Variants in SMYD3 observed in about 807,000 individuals in gnomAD.
SMYD3 encodes SET and MYND domain containing 3, also known as histone-lysine N-methyltransferase SMYD3.
Under a neutral mutation model 57.7 loss-of-function variants are expected in SMYD3, and 36 were observed. That is an observed-to-expected ratio of 0.62 (90% CI 0.48 to 0.82). The LOEUF is 0.82. Ranked by LOEUF, SMYD3 falls within the 40% of genes least tolerant of loss-of-function variation. The probability of loss-of-function intolerance (pLI) is 0.00; values close to 1 mark genes in which losing one functional copy is unlikely to be tolerated. For synonymous variants in SMYD3, 211 were observed against 195.0 expected (o/e 1.08, Z -0.68); for missense variants, 515 against 538.8 (o/e 0.96, Z 0.44).
At chr1:245,816,756 G>A (rs1365714592) in intron 10 of SMYD3, among the ~76,000 whole-genome samples, 1 of 152,146 alleles carries the variant, frequency 6.6e-6, no homozygotes, top group Non-Finnish European at 1.5e-5. Context: ...GGGTCAGGGA[G>A]TTCCCTTTCC....
Position 245,793,034 on chromosome 1 carries a change from G to A in SMYD3, c.1077-28885C>T, listed in dbSNP as rs141032104. Among the ~76,000 whole-genome samples the A allele has an allele frequency of 2.2e-3, 339 of 151,794 alleles. 1 individual carries two copies. The highest frequency in any genetic ancestry group is 7.8e-3 in the African/African-American group (324 of 41,290). On this transcript the variant is annotated intron_variant, in intron 10 of 11. Coordinates refer to ENST00000490107, the MANE Select transcript of SMYD3 (RefSeq NM_001167740.2). Reference sequence around the variant, plus strand: ...TTAGAAATATCTTCCATATAGGCCAGGCACAGTGGCTCATGCCTGTAATCC... The same window carrying A: ...TTAGAAATATCTTCCATATAGGCCAAGCACAGTGGCTCATGCCTGTAATCC...
intron 10 of SMYD3, among the ~76,000 whole-genome samples, chr1:245,775,558 A>G (rs943834200): frequency 1.3e-4 from 19 of 151,462 alleles, no homozygotes; most frequent in Non-Finnish European, 2.5e-4. Flanking sequence ...TCAAGTACCC[A>G]GGGACACAAA....
At chr1:246,444,420 A>G (rs557366463) in intron 1 of SMYD3, among the ~76,000 whole-genome samples, 61 of 152,238 alleles carry the variant, frequency 4.0e-4, no homozygotes, top group Non-Finnish European at 6.5e-4. Context: ...CATCGCGCCC[A>G]GCCCCAGAAC....
chr1:245,927,867 G>C (rs564530785), intron 7 of SMYD3, 64 bp downstream of exon 7: 1 of 1,317,712 alleles, frequency 7.6e-7, no homozygotes, highest in African/African-American at 1.4e-5. Flanking sequence ...TTTTAGGGAC[G>C]GGCCGAGCTG....
At chr1:245,775,159 G>A (rs1449449576) in intron 10 of SMYD3, among the ~76,000 whole-genome samples, 8 of 151,992 alleles carry the variant, frequency 5.3e-5, no homozygotes, top group South Asian at 4.2e-4. Context: ...CCCGGCAGCC[G>A]CCCCCTCCAA....
rs188060043 is a variant in SMYD3 at position 245,913,322 on chromosome 1, T to C, written c.813+2208A>G. On this transcript the variant is annotated intron_variant, in intron 8 of 11. Coordinates refer to ENST00000490107, the MANE Select transcript of SMYD3 (RefSeq NM_001167740.2). Reference sequence around the variant, plus strand: ...GTGGGAATTGAACAATGAGAACACATGGACACAGGAAGGGGAACATCACAC... The same window carrying C: ...GTGGGAATTGAACAATGAGAACACACGGACACAGGAAGGGGAACATCACAC... Among the ~76,000 whole-genome samples the C allele has an allele frequency of 6.1e-3, 820 of 133,598 alleles. 4 individuals are homozygous for C. Among genetic ancestry groups the C allele is most frequent in the Middle Eastern group, 0.045 (8 of 178 alleles). The allele number at this position is 133,598 out of a possible 152,430, so 87.6% of individuals were successfully genotyped here. A position where few individuals can be genotyped will look rare whatever the true frequency, so the allele number is the denominator to read the frequency against.
chr1:246,113,249 T>C (rs1326952339), intron 5 of SMYD3, among the ~76,000 whole-genome samples: 2 of 151,684 alleles, frequency 1.3e-5, no homozygotes, highest in Admixed American at 1.3e-4. Flanking sequence ...AAAAAGAGAC[T>C]ACCCATTGTT....
chr1:246,144,638 A>C (rs2061814496), intron 5 of SMYD3, among the ~76,000 whole-genome samples: 1 of 152,156 alleles, frequency 6.6e-6, no homozygotes, highest in Non-Finnish European at 1.5e-5. Flanking sequence ...TGACAGGAGC[A>C]TATCATAATT....
intron 10 of SMYD3, among the ~76,000 whole-genome samples, chr1:245,798,619 G>C (rs2047704405): frequency 6.6e-6 from 1 of 151,938 alleles, no homozygotes; most frequent in African/African-American, 2.4e-5. Flanking sequence ...GTGATGCCCA[G>C]ATGTGTTTTC....
chr1:245,921,358 A>T (rs189890160), intron 7 of SMYD3, among the ~76,000 whole-genome samples: 1 of 152,152 alleles, frequency 6.6e-6, no homozygotes. Flanking sequence ...CCCACTGTTG[A>T]AAGCAGTTTG....
intron 5 of SMYD3, among the ~76,000 whole-genome samples, chr1:245,962,639 G>A (rs1485005513): frequency 6.6e-6 from 1 of 152,148 alleles, no homozygotes; most frequent in Non-Finnish European, 1.5e-5. Flanking sequence ...CTGCATGTGG[G>A]TTGCGTCGAA....
At chr1:246,001,492 T>C (rs1041149377) in intron 5 of SMYD3, among the ~76,000 whole-genome samples, 3 of 151,678 alleles carry the variant, frequency 2.0e-5, no homozygotes, top group Non-Finnish European at 4.4e-5. Context: ...GTATGTGGCA[T>C]CCATCATGTT....
intron 5 of SMYD3, among the ~76,000 whole-genome samples, chr1:246,078,839 G>C (rs2147825880): frequency 6.6e-6 from 1 of 152,282 alleles, no homozygotes; most frequent in Non-Finnish European, 1.5e-5. Context: ...TGATCTATAG[G>C]TTTCCTCTAA....
intron 9 of SMYD3, among the ~76,000 whole-genome samples, chr1:245,863,581 T>C (rs2051668009): frequency 6.6e-6 from 1 of 152,160 alleles, no homozygotes; most frequent in Non-Finnish European, 1.5e-5. Context: ...TACCTAACGG[T>C]AGTGAGTTAT....
At chr1:245,839,296 C>A (rs915294213) in intron 10 of SMYD3, among the ~76,000 whole-genome samples, 12 of 152,154 alleles carry the variant, frequency 7.9e-5, no homozygotes, top group African/African-American at 2.4e-4. Context: ...CAGCCTCCCA[C>A]GTAGCTGGGA....
chr1:246,488,739 C>T (rs2068225792), intron 1 of SMYD3, among the ~76,000 whole-genome samples: 1 of 152,124 alleles, frequency 6.6e-6, no homozygotes, highest in South Asian at 2.1e-4. Context: ...ACAACTGCTG[C>T]AAATATTCAT....
chr1:245,960,173 T>C (rs4233248), intron 5 of SMYD3, among the ~76,000 whole-genome samples: 37,985 of 152,108 alleles, frequency 0.25, 5,309 homozygotes, highest in African/African-American at 0.38. Flanking sequence ...CAAAATTTAA[T>C]CAGATACTTA....
intron 5 of SMYD3, among the ~76,000 whole-genome samples, chr1:246,146,466 C>T (rs554270870): frequency 6.6e-6 from 1 of 152,270 alleles, no homozygotes; most frequent in African/African-American, 2.4e-5. Flanking sequence ...AAACAAACCT[C>T]CTTCTCCGCC....
At chr1:246,240,572 G>A (rs575474240) in intron 5 of SMYD3, among the ~76,000 whole-genome samples, 3 of 151,552 alleles carry the variant, frequency 2.0e-5, no homozygotes, top group South Asian at 2.1e-4. Context: ...TTGGCAATAA[G>A]GGCTCTTTTT....
Sources: allele counts gnomAD v4.1 joint callset (sites outside exome capture counted in the v4.1 genomes callset), GRCh38; gene constraint gnomAD v4.1.1; transcripts MANE v1.5; gene names NCBI Gene and HGNC (gene_info 2026-07-23, HGNC 2026-07-21).